Variants in SLC10A7 observed in about 807,000 individuals in gnomAD.
The protein encoded by SLC10A7 is solute carrier family 10 member 7.
SLC10A7 carries 29 observed loss-of-function variants against 43.2 expected under a neutral mutation model. The ratio of observed to expected loss-of-function variants is 0.67; its 90% CI spans 0.50 to 0.92. The LOEUF is 0.92. SLC10A7 is among the 40% of genes least tolerant of loss of function. The pLI is 0.00. For missense variants in SLC10A7, 295 were observed against 403.2 expected (o/e 0.73, Z 2.30); for synonymous variants, 152 against 144.8 (o/e 1.05, Z -0.35).
At chr4:146,477,327 CT>C (rs1489714250) in intron 4 of SLC10A7, among the ~76,000 whole-genome samples, 1 of 152,184 alleles carries the variant, frequency 6.6e-6, no homozygotes, top group Non-Finnish European at 1.5e-5. Context: ...CTTTTACACA[CT>C]TTTGTTGTTA....
intron 5 of SLC10A7, among the ~76,000 whole-genome samples, chr4:146,412,335 A>G (rs979892437): frequency 6.6e-6 from 1 of 152,214 alleles, no homozygotes; most frequent in Non-Finnish European, 1.5e-5. Flanking sequence ...TATTGATTGT[A>G]TATAGCAGAA....
chr4:146,298,084 C>T (rs6537412), intron 7 of SLC10A7, among the ~76,000 whole-genome samples: 123,859 of 152,230 alleles, frequency 0.81, 51,105 homozygotes, highest in African/African-American at 0.94. Flanking sequence ...GGAGCTACAC[C>T]GCACCTAACT....
At chr4:146,491,009 T>C (rs1332934350) in intron 4 of SLC10A7, among the ~76,000 whole-genome samples, 1 of 152,124 alleles carries the variant, frequency 6.6e-6, no homozygotes, top group East Asian at 1.9e-4. Context: ...GAGCCAAATA[T>C]ATGCAAAAAT....
At chr4:146,399,906 A>C (rs1314009805) in intron 5 of SLC10A7, among the ~76,000 whole-genome samples, 1 of 152,164 alleles carries the variant, frequency 6.6e-6, no homozygotes, top group Non-Finnish European at 1.5e-5. Context: ...TCAGTGTTGA[A>C]GATATCAATT....
intron 6 of SLC10A7, among the ~76,000 whole-genome samples, chr4:146,309,932 T>C (rs914656514): frequency 6.6e-6 from 1 of 152,136 alleles, no homozygotes; most frequent in African/African-American, 2.4e-5. Context: ...ATAGTGAGCA[T>C]AGTACCCAAC....
At chr4:146,499,326 T>C (rs1736195145) in intron 4 of SLC10A7, among the ~76,000 whole-genome samples, 1 of 152,084 alleles carries the variant, frequency 6.6e-6, no homozygotes, top group Non-Finnish European at 1.5e-5. Flanking sequence ...GAGCAGAGAA[T>C]CACAGAAAAG....
chr4:146,498,423 A>C (rs535419948), intron 4 of SLC10A7, among the ~76,000 whole-genome samples: 1 of 152,022 alleles, frequency 6.6e-6, no homozygotes, highest in African/African-American at 2.4e-5. Flanking sequence ...CGGCCTTATT[A>C]CTTTTTCTAT....
intron 5 of SLC10A7, among the ~76,000 whole-genome samples, chr4:146,407,047 T>C (rs1489554228): frequency 1.3e-5 from 2 of 152,138 alleles, no homozygotes; most frequent in Non-Finnish European, 2.9e-5. Flanking sequence ...GTCTCTCATA[T>C]ATAAACCTGA....
At chr4:146,305,555 C>A (rs1329022461) in intron 7 of SLC10A7, among the ~76,000 whole-genome samples, 1 of 146,064 alleles carries the variant, frequency 6.8e-6, no homozygotes, top group African/African-American at 2.6e-5. Context: ...GCACATGTAC[C>A]CTAAAACTTA....
intron 7 of SLC10A7, among the ~76,000 whole-genome samples, chr4:146,298,878 CTA>C (rs1184078288): frequency 1.3e-5 from 2 of 152,128 alleles, no homozygotes; most frequent in African/African-American, 4.8e-5. Flanking sequence ...AAAGTGAGGC[CTA>C]GGAGCTGTGT....
chr4:146,394,333 A>T (rs983278847), intron 5 of SLC10A7, among the ~76,000 whole-genome samples: 3 of 152,198 alleles, frequency 2.0e-5, no homozygotes, highest in African/African-American at 7.2e-5. Flanking sequence ...CCTTTCTACA[A>T]CAAAGAAATG....
chr4:146,461,179 A>G (rs894739454), intron 4 of SLC10A7, among the ~76,000 whole-genome samples: 1 of 152,070 alleles, frequency 6.6e-6, no homozygotes, highest in African/African-American at 2.4e-5. Flanking sequence ...TAAGGATTTC[A>G]TATTAAATAA....
intron 5 of SLC10A7, among the ~76,000 whole-genome samples, chr4:146,327,169 T>C (rs528541149): frequency 5.3e-5 from 8 of 152,322 alleles, no homozygotes; most frequent in Non-Finnish European, 1.2e-4. Flanking sequence ...TTACCTTAAA[T>C]GAACAATGCT....
chr4:146,403,487 G>A (rs1444552870), intron 5 of SLC10A7, among the ~76,000 whole-genome samples: 3 of 152,088 alleles, frequency 2.0e-5, no homozygotes, highest in African/African-American at 4.8e-5. Flanking sequence ...TTCCGTGAGA[G>A]GACACCTTTC....
At chr4:146,304,796 G>C (rs1462023172) in intron 7 of SLC10A7, among the ~76,000 whole-genome samples, 1 of 152,034 alleles carries the variant, frequency 6.6e-6, no homozygotes, top group Non-Finnish European at 1.5e-5. Flanking sequence ...TTCAATTCCT[G>C]GGTATCCTTG....
intron 5 of SLC10A7, among the ~76,000 whole-genome samples, chr4:146,373,356 C>A (rs1736926206): frequency 6.6e-6 from 1 of 151,908 alleles, no homozygotes. Flanking sequence ...CACCTGTAGT[C>A]CCAGCTACTC....
chr4:146,344,852 T>C (rs61219941), intron 5 of SLC10A7, among the ~76,000 whole-genome samples: 14,647 of 152,188 alleles, frequency 0.096, 866 homozygotes, highest in South Asian at 0.18. Context: ...GATGAAGTTA[T>C]TATTTTTAAA....
chr4:146,258,499 T>A (rs1450529676), intron 11 of SLC10A7, among the ~76,000 whole-genome samples, 193 bp downstream of exon 11: 1 of 152,260 alleles, frequency 6.6e-6, no homozygotes, highest in Non-Finnish European at 1.5e-5. Flanking sequence ...TATAACAATT[T>A]AAAATCTTTA....
chr4:146,408,844 G>A (rs1166125591), intron 5 of SLC10A7, among the ~76,000 whole-genome samples: 1 of 152,030 alleles, frequency 6.6e-6, no homozygotes, highest in Non-Finnish European at 1.5e-5. Flanking sequence ...AAGCCTTAGT[G>A]GGGTGACATC....
Sources: gnomAD v4.1 joint callset for allele counts (sites outside exome capture counted in the v4.1 genomes callset) on GRCh38, gnomAD v4.1.1 for gene constraint, MANE v1.5 for transcripts, NCBI Gene and HGNC (gene_info 2026-07-23, HGNC 2026-07-21) for gene names.